DENND4B: variants seen among roughly 807,000 people sequenced by gnomAD.
DENND4B encodes DENN domain containing 4B.
In DENND4B, 67 loss-of-function variants were observed where a neutral mutation model predicts 161.0. The observed-to-expected ratio is 0.42, with a 90% CI of 0.34 to 0.51. The LOEUF (loss-of-function observed/expected upper bound fraction) is 0.51. Among genes scored for constraint, DENND4B ranks in the 20% least tolerant of loss-of-function variants. The probability of loss-of-function intolerance (pLI) is 0.08; values close to 1 mark genes in which losing one functional copy is unlikely to be tolerated. For synonymous variants in DENND4B, 753 were observed against 813.8 expected, an observed-to-expected ratio of 0.93 and a Z score of 1.27; for missense variants, 1,481 against 1,968.0, an observed-to-expected ratio of 0.75 and a Z score of 4.68.
rs944817976 is a variant in DENND4B at position 153,936,864 on chromosome 1, C to T, written c.2233-116G>A. On this transcript the variant is annotated intron_variant, in intron 15 of 27. Transcript: ENST00000361217. The surrounding 1 kb of genome is among the most constrained non-coding windows in gnomAD (Gnocchi z 4.1). The stretch of plus-strand genomic sequence containing the variant: ...TGTCACCCAGGCTGGAGTGCAGTGG[C>T]GCAATCTTGGCTCACTGCAGACTCG... The T allele has an allele frequency of 6.4e-6, 7 of 1,088,024 alleles. No homozygotes were observed. The highest frequency in any genetic ancestry group is 3.3e-5 in the Admixed American group (1 of 30,002). 67.4% of individuals were successfully genotyped at this position (1,088,024 alleles called of 1,614,324 possible).
In DENND4B at chr1:153,933,234, C is replaced by T. The variant is rs1442174800; in HGVS notation, c.3416G>A (p.Ser1139Asn). 1 of 1,613,058 alleles carries T rather than the reference C, an allele frequency of 6.2e-7. No homozygotes were observed. Among genetic ancestry groups the T allele is most frequent in the Non-Finnish European group, 8.5e-7 (1 of 1,179,538 alleles). The change falls in exon 21 of 28, where the codon AGT becomes AAT. Residue 1139 changes from serine to asparagine, a missense_variant. Ser to Asn is a conservative substitution (Grantham distance 46). Around this residue, in one of 3 missense-constraint regions of DENND4B, gnomAD observed 336 missense variants for 503.3 expected, o/e 0.67. Coordinates refer to ENST00000361217, the MANE Select transcript of DENND4B (RefSeq NM_014856.3). This position sits in a 1 kb window ranked among gnomAD's most constrained non-coding sequence, Gnocchi z 5.7. ...TGACTGGAAGGATCCAGGGGTGTCA[C>T]TGAGGCGCTCTGAGGAACGGCGAAG... Reference protein sequence around the residue: ...LSLRRSSERLSDTPGSFQSPS... With the variant: ...LSLRRSSERLNDTPGSFQSPS...
chr1:153,946,666 C>T lies in DENND4B; in HGVS notation c.-389G>A. The stretch of plus-strand genomic sequence containing the variant: ...CCCCGCTCCGGGCCGCGGGCGCCGC[C>T]GCTACCCCCACCCCTCCTCCTCGGC... On this transcript the variant is annotated 5_prime_UTR_variant, in exon 1 of 28. Transcript: ENST00000361217. This position sits in a 1 kb window ranked among gnomAD's most constrained non-coding sequence, Gnocchi z 6.3. 2.6e-6 allele frequency: 1 copy of T among 380,340 alleles called. No homozygotes were observed. Among genetic ancestry groups the T allele is most frequent in the Non-Finnish European group, 4.7e-6 (1 of 214,498 alleles). 23.6% of individuals were successfully genotyped at this position (380,340 alleles called of 1,614,324 possible).
chr1:153,939,877 C>G, intron 11 of DENND4B, 73 bp from the exon 12 acceptor site: 1 of 1,445,312 alleles, frequency 6.9e-7, no homozygotes, highest in Non-Finnish European at 9.5e-7. Flanking sequence ...CTCATGCCTC[C>G]ATCTCCACCT....
chr1:153,941,088 A>G (rs1362894667), intron 8 of DENND4B, 40 bp from the exon 9 acceptor site: 1 of 1,553,756 alleles, frequency 6.4e-7, no homozygotes, highest in African/African-American at 1.4e-5. Flanking sequence ...TCACCAGGAT[A>G]CCCTGGGGAC....
rs944194402 is a variant in DENND4B at position 153,942,102 on chromosome 1, G to A, written c.822C>T (p.Ala274=). 1.2e-5 allele frequency: 19 copies of A among 1,613,374 alleles called. No homozygotes were observed. Among genetic ancestry groups the A allele is most frequent in the Middle Eastern group, 3.3e-4 (2 of 6,084 alleles). Residue 274 remains alanine (A), a synonymous_variant, in exon 6 of 28, where the codon GCC becomes GCT. Transcript: ENST00000361217. This position sits in a 1 kb window ranked among gnomAD's most constrained non-coding sequence, Gnocchi z 6.9. The stretch of plus-strand genomic sequence containing the variant: ...GGAACGCCTCGTAGAACTGCAGGGC[G>A]GCACCATACACCTGGCAGGGGGCAG... The part of the protein sequence containing the change: ...TGAAGDKVYG[A]ALQFYEAFPR...
chr1:153,934,635 AAGTGT>A lies in DENND4B; in HGVS notation c.2773+120_2773+124del. ...TTTTTTATCCCTTTTGTTACCAGTC[AAGTGT>A]AATTTATCAATCCCCAGAAACCCAA... On this transcript the variant is annotated intron_variant, in intron 18 of 27. Coordinates refer to ENST00000361217, the MANE Select transcript of DENND4B (RefSeq NM_014856.3). The surrounding 1 kb of genome is among the most constrained non-coding windows in gnomAD (Gnocchi z 5.3). 1 of 1,451,370 alleles carries A rather than the reference AAGTGT, an allele frequency of 6.9e-7. No individual in the cohort carries two copies. The highest frequency in any genetic ancestry group is 9.2e-7 in the Non-Finnish European group (1 of 1,090,404). 89.9% of individuals were successfully genotyped at this position (1,451,370 alleles called of 1,614,324 possible).
Position 153,933,620 on chromosome 1 carries a change from G to A in DENND4B, c.3193C>T (p.Leu1065Phe), listed in dbSNP as rs1679117809. The A allele has an allele frequency of 1.3e-6, 2 of 1,562,694 alleles. No homozygotes were observed. The highest frequency in any genetic ancestry group is 2.7e-5 in the African/African-American group (2 of 73,414). ...GCAGGGGAGTGGCGGGAAGGAGTGA[G>A]CAGCTGTTGGAGGCGGGCACCCAGC... ...RGLGARLQQL[L>F]TPSRHSPASR... The change falls in exon 20 of 28, where the codon CTC becomes TTC. Residue 1065 changes from leucine to phenylalanine, a missense_variant. By Grantham distance (22) the Leu-to-Phe change is conservative. Around this residue, in one of 3 missense-constraint regions of DENND4B, gnomAD observed 339 missense variants for 330.3 expected, o/e 1.03. Coordinates refer to ENST00000361217, the MANE Select transcript of DENND4B (RefSeq NM_014856.3). The surrounding 1 kb of genome is among the most constrained non-coding windows in gnomAD (Gnocchi z 5.7).
rs868397373 is a variant in DENND4B at position 153,937,501 on chromosome 1, C to T, written c.2219G>A (p.Arg740His). 12 of 1,564,858 alleles carry T rather than the reference C, an allele frequency of 7.7e-6. No homozygotes were observed. In the African/African-American group the frequency reaches 8.2e-5, roughly 11 times the overall value. Residue 740 changes from arginine (R) to histidine (H), a missense_variant, in exon 15 of 28, where the codon CGC (arginine) becomes CAC (histidine). By Grantham distance (29) the Arg-to-His change is conservative (BLOSUM62 0). Around this residue, in one of 3 missense-constraint regions of DENND4B, gnomAD observed 806 missense variants for 1,134.4 expected, o/e 0.71. Transcript: ENST00000361217. The surrounding 1 kb of genome is among the most constrained non-coding windows in gnomAD (Gnocchi z 4.7). ...SRSAPSSPAP[R>H]RTKQEMKVAQ... ...CCCACTGCTTACCTGTTTGGTACGG[C>T]GAGGAGCAGGACTGCTGGGGGCGCT...
At position 153,937,979 on chromosome 1, in the gene DENND4B, T is replaced by C. The variant is rs1361292097; in HGVS notation, c.1966-116A>G. On this transcript the variant is annotated intron_variant, in intron 13 of 27. Transcript: ENST00000361217. This position sits in a 1 kb window ranked among gnomAD's most constrained non-coding sequence, Gnocchi z 4.7. ...CATCCACAAGGAAAGAGACACAGCC[T>C]GGGAAGATGGCGTCAGGAACGGGAG... 6.9e-7 allele frequency: 1 copy of C among 1,454,780 alleles called. No individual in the cohort carries two copies. Among genetic ancestry groups the C allele is most frequent in the Non-Finnish European group, 9.4e-7 (1 of 1,061,508 alleles). 90.1% of individuals were successfully genotyped at this position (1,454,780 alleles called of 1,614,324 possible).
At position 153,944,183 on chromosome 1, in the gene DENND4B, G is replaced by A; in HGVS notation, c.192C>T (p.Gly64=). 3.7e-6 allele frequency: 6 copies of A among 1,612,700 alleles called. No individual in the cohort carries two copies. The highest frequency in any genetic ancestry group is 5.1e-6 in the Non-Finnish European group (6 of 1,179,338). ...CAGCAGAAGCCTGGATGCATGTGTA[G>A]CCCTGGGGCACTTCCTCGCCCAGTG... is the stretch of plus-strand genomic sequence containing the variant. ...ARALGEEVPQ[G]YTCIQASAGG... Residue 64 remains glycine (G), a synonymous_variant, in exon 2 of 28, where the codon GGC becomes GGT. Transcript: ENST00000361217. The surrounding 1 kb of genome is among the most constrained non-coding windows in gnomAD (Gnocchi z 4.8).
chr1:153,930,108 G>T lies in DENND4B; in HGVS notation c.*189C>A, dbSNP rs1233819211. 6 of 745,142 alleles carry T rather than the reference G, an allele frequency of 8.1e-6. No homozygotes were observed. The highest frequency in any genetic ancestry group is 1.3e-5 in the Non-Finnish European group (6 of 471,408). 46.2% of individuals were successfully genotyped at this position (745,142 alleles called of 1,614,324 possible). ...TCAGCACGAACAAACTGGGTAGGTT[G>T]GTGATGGGGGAATCAGGACTTTTGG... On this transcript the variant is annotated 3_prime_UTR_variant, in exon 28 of 28. Coordinates refer to ENST00000361217, the MANE Select transcript of DENND4B (RefSeq NM_014856.3). The surrounding 1 kb of genome is among the most constrained non-coding windows in gnomAD (Gnocchi z 4.7).
Position 153,946,442 on chromosome 1 carries a change from GGAA to G in DENND4B, c.-168_-166del, listed in dbSNP as rs1411582040. 4 of 388,234 alleles carry G rather than the reference GGAA, an allele frequency of 1.0e-5. No individual in the cohort carries two copies. Among genetic ancestry groups the G allele is most frequent in the East Asian group, 3.7e-5 (1 of 27,264 alleles). 24.0% of individuals were successfully genotyped at this position (388,234 alleles called of 1,614,324 possible). A position where few individuals can be genotyped will look rare whatever the true frequency, so the allele number is the denominator to read the frequency against. The stretch of plus-strand genomic sequence containing the variant: ...CGCTCCCGCCCGGGCAGTGAGTGAA[GGAA>G]GAAGAGGCGGCCGAGGACCGCAGAG... On this transcript the variant is annotated 5_prime_UTR_variant, in exon 1 of 28. Coordinates refer to ENST00000361217, the MANE Select transcript of DENND4B (RefSeq NM_014856.3). This position sits in a 1 kb window ranked among gnomAD's most constrained non-coding sequence, Gnocchi z 6.3.
chr1:153,941,090 C>A (rs1297601356), intron 8 of DENND4B, 42 bp from the exon 9 acceptor site: 2 of 1,556,084 alleles, frequency 1.3e-6, no homozygotes, highest in East Asian at 2.4e-5. Context: ...ACCAGGATAC[C>A]CTGGGGACCC....
Position 153,941,036 on chromosome 1 carries a change from G to A in DENND4B, c.1194C>T (p.Phe398=), listed in dbSNP as rs1679633285. 4 of 1,559,262 alleles carry A rather than the reference G, an allele frequency of 2.6e-6. No individual in the cohort carries two copies. Among genetic ancestry groups the A allele is most frequent in the African/African-American group, 2.7e-5 (2 of 73,502 alleles). Residue 398 remains phenylalanine, a synonymous_variant, in exon 9 of 28, where the codon TTC becomes TTT. Transcript: ENST00000361217. The part of the protein sequence containing the change: ...SSPLPLSGAS[F]LQLLQSLGPE... ...GGCCCAGGCTCTGCAGCAGCTGCAG[G>A]AAGCTGGCACCACTGCAGGCAATGC... is the stretch of plus-strand genomic sequence containing the variant.
Position 153,941,401 on chromosome 1 carries a change from G to T in DENND4B, c.1095C>A (p.Ser365=). The change falls in exon 7 of 28, where the codon TCC becomes TCA. Residue 365 remains serine (S), a synonymous_variant. Transcript: ENST00000361217. ...GCACTAGGATGCGGGGTCTCTGTGG[G>T]GAAGGGAAGGGAACGTTGTGAATGA... ...SHFIHNVPFP[S]PQRPRILVQM... 1 of 1,613,376 alleles carries T rather than the reference G, an allele frequency of 6.2e-7. No individual in the cohort carries two copies. The highest frequency in any genetic ancestry group is 8.5e-7 in the Non-Finnish European group (1 of 1,179,720).
At position 153,932,196 on chromosome 1, in the gene DENND4B, G is replaced by T. The variant is rs764532054; in HGVS notation, c.3996+8C>A. The stretch of plus-strand genomic sequence containing the variant: ...CTTAGGAAACAGGGGCCACATGGGG[G>T]CACTGACCTGGGAGTGCGAAGGCCC... On this transcript the variant is annotated splice_region_variant and intron_variant, in intron 24 of 27. Transcript: ENST00000361217. This position sits in a 1 kb window ranked among gnomAD's most constrained non-coding sequence, Gnocchi z 5.8. The T allele has an allele frequency of 1.9e-6, 3 of 1,610,658 alleles. No homozygotes were observed. The Admixed American group carries it at 5.0e-5, about 27-fold the overall frequency.
chr1:153,937,639 T>C lies in DENND4B; in HGVS notation c.2106-25A>G. 1.2e-6 allele frequency: 2 copies of C among 1,611,716 alleles called. No homozygotes were observed. The highest frequency in any genetic ancestry group is 1.7e-6 in the Non-Finnish European group (2 of 1,178,302). The stretch of plus-strand genomic sequence containing the variant: ...GCTGGAGGGGCAGAGAGAAGCAACA[T>C]CGGGGCAGTCAGCACAGGGCGAAGC... On this transcript the variant is annotated intron_variant, in intron 14 of 27. Coordinates refer to ENST00000361217, the MANE Select transcript of DENND4B (RefSeq NM_014856.3). This position sits in a 1 kb window ranked among gnomAD's most constrained non-coding sequence, Gnocchi z 4.7.
Position 153,934,405 on chromosome 1 carries a change from C to G in DENND4B, c.2774-103G>C. 1 of 1,404,312 alleles carries G rather than the reference C, an allele frequency of 7.1e-7. No homozygotes were observed. The highest frequency in any genetic ancestry group is 2.8e-5 in the Admixed American group (1 of 35,814). The allele number at this position is 1,404,312 out of a possible 1,614,324, so 87.0% of individuals were successfully genotyped here. On this transcript the variant is annotated intron_variant, in intron 18 of 27. Coordinates refer to ENST00000361217, the MANE Select transcript of DENND4B (RefSeq NM_014856.3). The surrounding 1 kb of genome is among the most constrained non-coding windows in gnomAD (Gnocchi z 5.3). ...GGACCAGGGTTTGCAGGGTTCCTCCCAGGCAAAACTTTATCCGTTTTGTGT... is the reference window on the plus strand; with the variant it reads ...GGACCAGGGTTTGCAGGGTTCCTCCGAGGCAAAACTTTATCCGTTTTGTGT...
intron 6 of DENND4B, 96 bp downstream of exon 6, chr1:153,941,773 C>CGGGGGGGCG: frequency 1.4e-6 from 2 of 1,426,304 alleles, no homozygotes; most frequent in Non-Finnish European, 1.9e-6. Context: ...ACCCTGTGCC[C>CGGGGGGGCG]AGCCCTCCCC....
Sources: gnomAD v4.1 joint callset for allele counts on GRCh38, gnomAD v4.1.1 for gene constraint, gnomAD v4.1.1 regional missense constraint, Gnocchi (gnomAD v3.1) non-coding constraint, MANE v1.5 for transcripts, NCBI Gene and HGNC (gene_info 2026-07-23, HGNC 2026-07-21) for gene names.